CCBE1: variants seen among roughly 807,000 people sequenced by gnomAD.
CCBE1 encodes collagen and calcium binding EGF domains 1, also known as collagen and calcium-binding EGF domain-containing protein 1.
Under a neutral mutation model 50.0 loss-of-function variants are expected in CCBE1, and 37 were observed. That is an observed-to-expected ratio of 0.74 (90% CI 0.57 to 0.97). The LOEUF (loss-of-function observed/expected upper bound fraction) is 0.97. CCBE1 is among the 50% of genes least tolerant of loss of function. The pLI, the probability that CCBE1 is intolerant of heterozygous loss-of-function variation, is 0.00. For missense variants in CCBE1, 538 were observed against 523.8 expected (o/e 1.03, Z -0.26); for synonymous variants, 234 against 203.7 (o/e 1.15, Z -1.27).
intron 5 of CCBE1, among the ~76,000 whole-genome samples, chr18:59,460,914 G>A (rs1456656045): frequency 1.3e-5 from 2 of 149,848 alleles, no homozygotes; most frequent in African/African-American, 4.9e-5. Flanking sequence ...CAGCCTGGGT[G>A]ACAGAGGGAG....
intron 3 of CCBE1, among the ~76,000 whole-genome samples, chr18:59,472,422 T>C (rs564261846): frequency 3.4e-4 from 52 of 152,362 alleles, no homozygotes; most frequent in African/African-American, 1.2e-3. Flanking sequence ...TCAATCTACA[T>C]ATTCAGTTTT....
At chr18:59,668,845 T>C (rs2054393557) in intron 2 of CCBE1, among the ~76,000 whole-genome samples, 1 of 128,860 alleles carries the variant, frequency 7.8e-6, no homozygotes, top group African/African-American at 3.1e-5. Flanking sequence ...TTTTTTGTGA[T>C]ATGGAGTCTT....
chr18:59,463,805 A>G (rs1432497542), intron 5 of CCBE1, among the ~76,000 whole-genome samples: 1 of 152,226 alleles, frequency 6.6e-6, no homozygotes, highest in Admixed American at 6.5e-5. Context: ...GCTGCCCTTC[A>G]TGAGCATATA....
At chr18:59,544,851 G>A (rs1915620200) in intron 2 of CCBE1, among the ~76,000 whole-genome samples, 1 of 152,164 alleles carries the variant, frequency 6.6e-6, no homozygotes, top group Non-Finnish European at 1.5e-5. Context: ...TAGTGTTAGG[G>A]AATGCAATGA....
At chr18:59,502,376 G>C (rs1243807020) in intron 2 of CCBE1, among the ~76,000 whole-genome samples, 1 of 152,166 alleles carries the variant, frequency 6.6e-6, no homozygotes, top group Non-Finnish European at 1.5e-5. Flanking sequence ...TCATATGTGT[G>C]TCATCCTCTG....
rs192175174 is a variant in CCBE1 at position 59,438,008 on chromosome 18, C to T, written c.987+103G>A. Reference sequence around the variant, plus strand: ...TCTGTTCAGGTGGGCTGAGTGGCATCAGGAAGGGGCGGGCTTTTGCTACTA... The same window carrying T: ...TCTGTTCAGGTGGGCTGAGTGGCATTAGGAAGGGGCGGGCTTTTGCTACTA... On this transcript the variant is annotated intron_variant, in intron 10 of 10. Coordinates refer to ENST00000439986, the MANE Select transcript of CCBE1 (RefSeq NM_133459.4). 7.3e-4 allele frequency: 801 copies of T among 1,091,322 alleles called. 4 individuals are homozygous for T. In the African/African-American group the frequency reaches 0.011, roughly 15 times the overall value. The allele number at this position is 1,091,322 out of a possible 1,614,324, so 67.6% of individuals were successfully genotyped here.
chr18:59,666,809 A>C (rs1177310922), intron 2 of CCBE1, among the ~76,000 whole-genome samples: 2 of 152,142 alleles, frequency 1.3e-5, no homozygotes, highest in Admixed American at 6.5e-5. Flanking sequence ...TACTAAAAAC[A>C]CAAAAACTAG....
chr18:59,625,432 A>AAAAAAAAAAAAC (rs2053770124), intron 2 of CCBE1, among the ~76,000 whole-genome samples: 1 of 124,968 alleles, frequency 8.0e-6, no homozygotes, highest in Non-Finnish European at 1.7e-5. Context: ...TTCTGTCTCA[A>AAAAAAAAAAAAC]AAAAAAAAAA....
At chr18:59,640,018 T>C (rs1242868390) in intron 2 of CCBE1, among the ~76,000 whole-genome samples, 2 of 152,184 alleles carry the variant, frequency 1.3e-5, no homozygotes, top group African/African-American at 4.8e-5. Flanking sequence ...AAACATTCCA[T>C]GCTCACAGAT....
At chr18:59,612,839 TTTG>T (rs1169992032) in intron 2 of CCBE1, among the ~76,000 whole-genome samples, 3 of 54,742 alleles carry the variant, frequency 5.5e-5, no homozygotes, top group Non-Finnish European at 1.2e-4. Flanking sequence ...TTTTTTTGTT[TTTG>T]TTTTTGTTTT....
intron 2 of CCBE1, among the ~76,000 whole-genome samples, chr18:59,571,550 C>T (rs2052915562): frequency 7.8e-6 from 1 of 128,684 alleles, no homozygotes; most frequent in African/African-American, 2.7e-5. Context: ...GGGTGCAGCA[C>T]ACCACATGGC....
intron 2 of CCBE1, among the ~76,000 whole-genome samples, chr18:59,673,007 A>T (rs1461055100): frequency 6.9e-6 from 1 of 145,588 alleles, no homozygotes; most frequent in Non-Finnish European, 1.5e-5. Context: ...CTATGGAAAT[A>T]AAAAAAAAAT....
intron 2 of CCBE1, among the ~76,000 whole-genome samples, chr18:59,516,921 A>G (rs1914398748): frequency 6.6e-6 from 1 of 152,176 alleles, no homozygotes; most frequent in Admixed American, 6.5e-5. Flanking sequence ...ACACCGGGTA[A>G]CCTTTCTTAT....
intron 6 of CCBE1, among the ~76,000 whole-genome samples, chr18:59,451,476 A>T (rs1010918060): frequency 4.0e-5 from 6 of 150,494 alleles, no homozygotes; most frequent in African/African-American, 1.5e-4. Context: ...GTTGGCTCTG[A>T]ATTTTAAGTG....
At chr18:59,528,190 C>T (rs78853100) in intron 2 of CCBE1, among the ~76,000 whole-genome samples, 3,492 of 152,240 alleles carry the variant, frequency 0.023, 63 homozygotes, top group East Asian at 0.083. Flanking sequence ...TCATTCTTTT[C>T]TGTCTGATCT....
Position 59,480,111 on chromosome 18 carries a change from G to C in CCBE1, c.265+75C>G, listed in dbSNP as rs771863685. The C allele has an allele frequency of 1.2e-4, 120 of 969,372 alleles. 1 individual carries two copies. In the South Asian group the frequency reaches 1.4e-3, roughly 11 times the overall value. 60.0% of individuals were successfully genotyped at this position (969,372 alleles called of 1,614,324 possible). A position where few individuals can be genotyped will look rare whatever the true frequency, so the allele number is the denominator to read the frequency against. On this transcript the variant is annotated intron_variant, in intron 3 of 10. Transcript: ENST00000439986. ...GACACAGATAAGACCTATATTCCAT[G>C]AACATCTGAAGTTGATAGACTTTGA...
chr18:59,550,071 T>G (rs990710441), intron 2 of CCBE1, among the ~76,000 whole-genome samples: 12 of 152,352 alleles, frequency 7.9e-5, no homozygotes, highest in Non-Finnish European at 1.5e-4. Context: ...CAATCCGGTT[T>G]GCTTTGTTTA....
intron 5 of CCBE1, among the ~76,000 whole-genome samples, chr18:59,463,766 T>C (rs1416845485): frequency 2.6e-5 from 4 of 152,214 alleles, no homozygotes; most frequent in Non-Finnish European, 4.4e-5. Context: ...CCGGTGATTA[T>C]GCTCAAGCAT....
intron 2 of CCBE1, among the ~76,000 whole-genome samples, chr18:59,508,532 G>A (rs1162872467): frequency 1.3e-5 from 2 of 152,012 alleles, no homozygotes; most frequent in Non-Finnish European, 2.9e-5. Flanking sequence ...GGGAGGCAGA[G>A]GTTGCAGTGT....
Sources: gnomAD v4.1 joint callset for allele counts (sites outside exome capture counted in the v4.1 genomes callset) on GRCh38, gnomAD v4.1.1 for gene constraint, MANE v1.5 for transcripts, NCBI Gene and HGNC (gene_info 2026-07-23, HGNC 2026-07-21) for gene names.